The following SBF1 variants were observed in gnomAD, a reference collection of about 807,000 sequenced individuals.
SBF1 encodes the protein SET binding factor 1, also known as myotubularin-related protein 5.
A neutral mutation model predicts 215.8 loss-of-function variants in SBF1; 65 were observed. The observed-to-expected ratio is 0.30, with a 90% CI of 0.25 to 0.37. SBF1 has a LOEUF of 0.37. Among genes scored for constraint, SBF1 ranks in the 10% least tolerant of loss-of-function variants. The pLI is 1.00. For missense variants in SBF1, 2,634 were observed against 2,667.8 expected (o/e 0.99, Z 0.28); for synonymous variants, 1,410 against 1,122.8 (o/e 1.26, Z -5.11).
chr22:50,449,348 G>A (rs1254003582), intron 36 of SBF1, among the ~76,000 whole-genome samples: 1 of 151,912 alleles, frequency 6.6e-6, no homozygotes, highest in African/African-American at 2.4e-5. Flanking sequence ...CAGGCGCGGT[G>A]GCTCACGCCT....
In SBF1 at chr22:50,455,242, G is replaced by A. The variant is rs376706601; in HGVS notation, c.4536C>T (p.Phe1512=). The stretch of plus-strand genomic sequence containing the variant: ...TGCCCACCTGGTGTACGCAGTCCAG[G>A]AACTGCAGGAAGACGGGTGTGAAGC... The part of the protein sequence containing the change: ...SSGFTPVFLQ[F]LDCVHQVHLQ... Residue 1512 remains phenylalanine (F), a synonymous_variant, in exon 33 of 41, where the codon TTC becomes TTT. Transcript: ENST00000380817. The A allele has an allele frequency of 2.9e-4, 465 of 1,612,986 alleles. 2 individuals are homozygous for A. Among genetic ancestry groups the A allele is most frequent in the Non-Finnish European group, 3.6e-4 (426 of 1,179,652 alleles).
Position 50,465,052 on chromosome 22 carries a change from G to A in SBF1, c.1281C>T (p.Gly427=), listed in dbSNP as rs2067689121. Residue 427 remains glycine (G), a synonymous_variant, in exon 12 of 41, where the codon GGC becomes GGT. Transcript: ENST00000380817. ...MKVLEGMAFA[G]FVSERGVPYR... is the part of the protein sequence containing the mutation. ...ATGGGACCCCACGCTCTGACACAAA[G>A]CCAGCAAAGGCCATGCCCTCCAGCA... 6.2e-7 allele frequency: 1 copy of A among 1,614,078 alleles called. No homozygotes were observed. Among genetic ancestry groups the A allele is most frequent in the Non-Finnish European group, 8.5e-7 (1 of 1,179,998 alleles).
chr22:50,467,494 CCCT>C, intron 4 of SBF1, 35 bp downstream of exon 4: 2 of 1,613,806 alleles, frequency 1.2e-6, no homozygotes. Context: ...GATGGAAGCA[CCCT>C]CGTCGTGCCT....
intron 31 of SBF1, 180 bp downstream of exon 31, chr22:50,456,036 A>C: frequency 1.5e-6 from 1 of 669,236 alleles, no homozygotes; most frequent in East Asian, 2.8e-5. Context: ...AGCTGGCCCC[A>C]GCCAGGCCCA....
intron 31 of SBF1, chr22:50,455,939 T>C: frequency 1.8e-6 from 1 of 549,136 alleles, no homozygotes; most frequent in African/African-American, 1.9e-5. Flanking sequence ...AACCATAAAC[T>C]GCATCCCCCG....
chr22:50,471,874 A>C (rs989016841), intron 1 of SBF1, among the ~76,000 whole-genome samples: 4 of 152,218 alleles, frequency 2.6e-5, no homozygotes, highest in African/African-American at 4.8e-5. Flanking sequence ...CATCACAGTC[A>C]GGAGGAGAGG....
rs1388782840 is a variant in SBF1, at chr22:50,462,316, T to C, written c.2285A>G (p.Asn762Ser). The C allele has an allele frequency of 6.2e-7, 1 of 1,614,040 alleles. No individual in the cohort carries two copies. Among genetic ancestry groups the C allele is most frequent in the Non-Finnish European group, 8.5e-7 (1 of 1,180,008 alleles). ...GGGCAGGAGGAGGTAGCTCATGCGGTTGGCATAGTGGATGGCCTGGCTGAA... is the reference window on the plus strand; with the variant it reads ...GGGCAGGAGGAGGTAGCTCATGCGGCTGGCATAGTGGATGGCCTGGCTGAA... ...TVFSQAIHYA[N>S]RMSYLLLPLD... The change falls in exon 19 of 41, where the codon AAC (asparagine) becomes AGC (serine). Residue 762 changes from asparagine (N) to serine (S), a missense_variant. By Grantham distance (46) the Asn-to-Ser change is conservative (BLOSUM62 1). Coordinates refer to ENST00000380817, the MANE Select transcript of SBF1 (RefSeq NM_002972.4).
rs866025886 is a variant in SBF1, at chr22:50,459,550, T to C, written c.3608A>G (p.Lys1203Arg). 1.2e-6 allele frequency: 2 copies of C among 1,609,650 alleles called. No homozygotes were observed. The highest frequency in any genetic ancestry group is 2.7e-5 in the African/African-American group (2 of 74,982). The change falls in exon 27 of 41, where the codon AAG becomes AGG. Residue 1203 changes from lysine to arginine, a missense_variant. Coordinates refer to ENST00000380817, the MANE Select transcript of SBF1 (RefSeq NM_002972.4). ...GCCTCCAGAGCGCAGCAGCACCGCC[T>C]TGGACCGCCCGCTGCGCCAGCAGAC... ...PVVCWRSGRS[K>R]AVLLRSGGLH... is the part of the protein sequence containing the mutation.
intron 36 of SBF1, among the ~76,000 whole-genome samples, chr22:50,450,961 T>C (rs887954593): frequency 3.9e-5 from 6 of 152,044 alleles, no homozygotes; most frequent in Admixed American, 2.6e-4. Flanking sequence ...TTTTAAGTTA[T>C]GTTTCAAGAT....
intron 36 of SBF1, among the ~76,000 whole-genome samples, chr22:50,454,183 C>G (rs2067155172): frequency 6.6e-6 from 1 of 152,202 alleles, no homozygotes; most frequent in Non-Finnish European, 1.5e-5. Flanking sequence ...GGGCTGACTC[C>G]TCAACAGGTG....
In SBF1 at chr22:50,461,692, C is replaced by G; in HGVS notation, c.2670G>C (p.Leu890=). 1 of 1,609,840 alleles carries G rather than the reference C, an allele frequency of 6.2e-7. No homozygotes were observed. Among genetic ancestry groups the G allele is most frequent in the Non-Finnish European group, 8.5e-7 (1 of 1,179,094 alleles). ...QKPKLLRPRL[L]PGEECVLDGL... Reference sequence around the variant, plus strand: ...CGTCCAGCACACACTCCTCACCCGGCAGCAGGCGCGGCCGCAGCAGCTTGG... The same window carrying G: ...CGTCCAGCACACACTCCTCACCCGGGAGCAGGCGCGGCCGCAGCAGCTTGG... Residue 890 remains leucine, a synonymous_variant, in exon 22 of 41, where the codon CTG becomes CTC. Transcript: ENST00000380817.
chr22:50,455,046 G>C lies in SBF1; in HGVS notation c.4651C>G (p.Leu1551Val), dbSNP rs1180281153. 1 of 1,614,152 alleles carries C rather than the reference G, an allele frequency of 6.2e-7. No homozygotes were observed. The highest frequency in any genetic ancestry group is 1.1e-5 in the South Asian group (1 of 91,090). The change falls in exon 34 of 41, where the codon CTC (leucine) becomes GTC (valine). Residue 1551 changes from leucine (L) to valine (V), a missense_variant. Transcript: ENST00000380817. ...TCAATGCGCTCATAGTCAGAGTCGAGCAGGAAGGTCCGGAAACGGCGGGAC... is the reference window on the plus strand; with the variant it reads ...TCAATGCGCTCATAGTCAGAGTCGACCAGGAAGGTCCGGAAACGGCGGGAC... ...HVSRRFRTFL[L>V]DSDYERIELG...
At position 50,454,566 on chromosome 22, in the gene SBF1, G is replaced by C. The variant is rs753094095; in HGVS notation, c.4989C>G (p.Pro1663=). The change falls in exon 36 of 41, where the codon CCC becomes CCG. Residue 1663 remains proline, a synonymous_variant. Coordinates refer to ENST00000380817, the MANE Select transcript of SBF1 (RefSeq NM_002972.4). ...GGGCCCGCGGGCAGCTGTCGTAACA[G>C]GGCCACACCACGCGGCGCCTGCTCT... The part of the protein sequence containing the change: ...APQSRRRVVW[P]CYDSCPRAQP... 9 of 1,611,752 alleles carry C rather than the reference G, an allele frequency of 5.6e-6. No homozygotes were observed. Among genetic ancestry groups the C allele is most frequent in the Admixed American group, 1.7e-5 (1 of 59,942 alleles).
chr22:50,462,044 C>T lies in SBF1; in HGVS notation c.2472G>A (p.Gly824=), dbSNP rs761463561. ...AGCGGTTGATGAAGCGGACCACAGC[C>T]CCAGCTACGTCGCAGGTCTCTGCAT... ...FEDAETCDVA[G]AVVRFINRFV... The change falls in exon 20 of 41, where the codon GGG becomes GGA. Residue 824 remains glycine, a synonymous_variant. Coordinates refer to ENST00000380817, the MANE Select transcript of SBF1 (RefSeq NM_002972.4). The T allele has an allele frequency of 6.2e-7, 1 of 1,614,232 alleles. No individual in the cohort carries two copies. The highest frequency in any genetic ancestry group is 1.1e-5 in the South Asian group (1 of 91,092).
chr22:50,471,126 C>A (rs1378059492), intron 1 of SBF1, among the ~76,000 whole-genome samples: 2 of 152,194 alleles, frequency 1.3e-5, no homozygotes, highest in East Asian at 3.9e-4. Flanking sequence ...CCCCACTCCT[C>A]CCCTTGGCAA....
chr22:50,464,961 A>G (rs1477606539), intron 12 of SBF1, 40 bp downstream of exon 12: 1 of 1,613,676 alleles, frequency 6.2e-7, no homozygotes, highest in South Asian at 1.1e-5. Flanking sequence ...GGTCAGGCGG[A>G]GCCAGGGCAG....
rs75075311 is a variant in SBF1, at chr22:50,447,949, G to A, written c.5363+284C>T. Among the ~76,000 whole-genome samples, 1,100 of 152,346 alleles carry A rather than the reference G, an allele frequency of 7.2e-3. 13 individuals carry two copies. The highest frequency in any genetic ancestry group is 0.025 in the African/African-American group (1,031 of 41,586). ...TTACGAGGAGAGGGATGGCCAGGCA[G>A]GTAGATCTGTAGAAGCAGCCACGGC... On this transcript the variant is annotated intron_variant, in intron 38 of 40. Transcript: ENST00000380817.
In SBF1 at chr22:50,447,254, G is replaced by C. The variant is rs2066866377; in HGVS notation, c.5584-14C>G. On this transcript the variant is annotated splice_polypyrimidine_tract_variant and intron_variant, in intron 40 of 40. Transcript: ENST00000380817. ...CGTTGTCTTCACCTGGGGAAGGGCGGGTTACTGACTCCGCAGCCCCCACAC... is the reference window on the plus strand; with the variant it reads ...CGTTGTCTTCACCTGGGGAAGGGCGCGTTACTGACTCCGCAGCCCCCACAC... The C allele has an allele frequency of 3.1e-6, 5 of 1,613,748 alleles. No individual in the cohort carries two copies. Among genetic ancestry groups the C allele is most frequent in the Non-Finnish European group, 4.2e-6 (5 of 1,179,746 alleles).
rs556843138 is a variant in SBF1 at position 50,455,853 on chromosome 22, C to T, written c.4267-271G>A. On this transcript the variant is annotated intron_variant, in intron 31 of 40. Coordinates refer to ENST00000380817, the MANE Select transcript of SBF1 (RefSeq NM_002972.4). The stretch of plus-strand genomic sequence containing the variant: ...GTCCCTCAAGATGCCGGTGGCCCTA[C>T]CTTCAAGCCCTCCAGTGTTTACCAA... 3.3e-4 allele frequency: 189 copies of T among 572,776 alleles called. No individual in the cohort carries two copies. In the African/African-American group the frequency reaches 3.5e-3, roughly 11 times the overall value. 35.5% of individuals were successfully genotyped at this position (572,776 alleles called of 1,614,324 possible). A position where few individuals can be genotyped will look rare whatever the true frequency, so the allele number is the denominator to read the frequency against.
Sources: allele counts gnomAD v4.1 joint callset (sites outside exome capture counted in the v4.1 genomes callset), GRCh38; gene constraint gnomAD v4.1.1; transcripts MANE v1.5; gene names NCBI Gene and HGNC (gene_info 2026-07-23, HGNC 2026-07-21).